The following FARP1 variants were observed in gnomAD, a reference collection of about 807,000 sequenced individuals.
The protein encoded by FARP1 is FERM, ARH/RhoGEF and pleckstrin domain protein 1.
Under a neutral mutation model 128.8 loss-of-function variants are expected in FARP1, and 52 were observed. The observed-to-expected ratio is 0.40, with a 90% CI of 0.32 to 0.51. The LOEUF is 0.51. FARP1 is among the 20% of genes least tolerant of loss of function. The pLI, the probability that FARP1 is intolerant of heterozygous loss-of-function variation, is 0.45. For synonymous variants in FARP1, 580 were observed against 551.8 expected, an observed-to-expected ratio of 1.05 and a Z score of -0.72; for missense variants, 1,333 against 1,367.9, an observed-to-expected ratio of 0.97 and a Z score of 0.40.
intron 14 of FARP1, 120 bp downstream of exon 14, chr13:98,409,645 T>C (rs1891116213): frequency 8.3e-6 from 7 of 846,782 alleles, no homozygotes; most frequent in Non-Finnish European, 1.0e-5. Flanking sequence ...CATTTTCAAG[T>C]GTACAGCTTG....
chr13:98,195,887 G>C (rs145909027), intron 1 of FARP1, among the ~76,000 whole-genome samples: 2 of 152,154 alleles, frequency 1.3e-5, no homozygotes, highest in Non-Finnish European at 2.9e-5. Flanking sequence ...TTCGCTGGGC[G>C]TGGTGGTACA....
chr13:98,202,071 C>T (rs1324489003), intron 1 of FARP1, among the ~76,000 whole-genome samples: 1 of 152,228 alleles, frequency 6.6e-6, no homozygotes, highest in African/African-American at 2.4e-5. Flanking sequence ...AACCCCTTAC[C>T]TAACCCCTTG....
intron 5 of FARP1, 146 bp from the exon 6 acceptor site, chr13:98,377,675 G>A (rs1386357305): frequency 3.2e-6 from 2 of 620,436 alleles, no homozygotes; most frequent in Non-Finnish European, 5.8e-6. Context: ...TTACACTGCA[G>A]TGAATGGCAG....
Position 98,452,139 on chromosome 13 carries a change from A to G in FARP1, c.*3822A>G, listed in dbSNP as rs1893226135. On this transcript the variant is annotated 3_prime_UTR_variant, in exon 27 of 27. Coordinates refer to ENST00000319562, the MANE Select transcript of FARP1 (RefSeq NM_005766.4). ...GGTGCCCTGTCCTCTGAAGAGTCAC[A>G]TTTCAAGGAGTATGCAAAATAAGCG... 1 of 152,204 alleles carries G rather than the reference A, an allele frequency of 6.6e-6. No homozygotes were observed. The highest frequency in any genetic ancestry group is 1.5e-5 in the Non-Finnish European group (1 of 68,052). The allele number at this position is 152,204 out of a possible 1,614,324, so 9.4% of individuals were successfully genotyped here.
intron 1 of FARP1, among the ~76,000 whole-genome samples, chr13:98,208,368 C>T (rs1180301881): frequency 6.7e-6 from 1 of 149,902 alleles, no homozygotes; most frequent in Non-Finnish European, 1.5e-5. Flanking sequence ...ATCCCAGCTA[C>T]TGGGGAGGTT....
intron 2 of FARP1, among the ~76,000 whole-genome samples, chr13:98,321,644 C>T (rs190748035): frequency 6.6e-6 from 1 of 152,302 alleles, no homozygotes; most frequent in African/African-American, 2.4e-5. Flanking sequence ...TGACAAATTA[C>T]CTGTGCGTGC....
At chr13:98,280,394 A>G (rs986566128) in intron 2 of FARP1, among the ~76,000 whole-genome samples, 1 of 152,074 alleles carries the variant, frequency 6.6e-6, no homozygotes, top group Non-Finnish European at 1.5e-5. Context: ...CTTCCTGAGC[A>G]GTTCTGCCAG....
chr13:98,418,106 G>A (rs1364147003), intron 16 of FARP1, among the ~76,000 whole-genome samples: 1 of 152,160 alleles, frequency 6.6e-6, no homozygotes, highest in South Asian at 2.1e-4. Flanking sequence ...CTGGAATGCA[G>A]TGGTATGATC....
Position 98,224,520 on chromosome 13 carries a change from C to CT in FARP1, c.171+11108dup, listed in dbSNP as rs556081191. Among the ~76,000 whole-genome samples the CT allele has an allele frequency of 4.4e-4, 44 of 101,124 alleles. No individual in the cohort carries two copies. In the South Asian group the frequency reaches 0.016, roughly 36 times the overall value. The allele number at this position is 101,124 out of a possible 152,430, so 66.3% of individuals were successfully genotyped here. A position where few individuals can be genotyped will look rare whatever the true frequency, so the allele number is the denominator to read the frequency against. On this transcript the variant is annotated intron_variant, in intron 2 of 26. Coordinates refer to ENST00000319562, the MANE Select transcript of FARP1 (RefSeq NM_005766.4). ...CCAGCCTGGGCGACAGAGTGAGACT[C>CT]TGTCTCAAAAAAAAAAAAAAAAAAA...
At chr13:98,381,906 G>A (rs1466932180) in intron 6 of FARP1, among the ~76,000 whole-genome samples, 26 of 152,130 alleles carry the variant, frequency 1.7e-4, no homozygotes, top group East Asian at 5.8e-4. Flanking sequence ...TAATCCCAGC[G>A]CTTTGGGAGA....
chr13:98,254,156 A>G lies in FARP1; in HGVS notation c.171+40743A>G, dbSNP rs149516131. On this transcript the variant is annotated intron_variant, in intron 2 of 26. Transcript: ENST00000319562. The stretch of plus-strand genomic sequence containing the variant: ...GTCGGTAGTGTGTGGGTGTCCCTGA[A>G]AAGTACTAAGTGTTCTCCTCACTTG... 3.5e-4 allele frequency among the ~76,000 whole-genome samples: 53 copies of G among 152,326 alleles called. No homozygotes were observed. In the East Asian group the frequency reaches 9.4e-3, roughly 27 times the overall value.
In FARP1 at chr13:98,176,397, C is replaced by T. The variant is rs765635600; in HGVS notation, c.-24+32905C>T. 3.1e-6 allele frequency: 5 copies of T among 1,614,226 alleles called. No homozygotes were observed. The Admixed American group carries it at 6.7e-5, about 22-fold the overall frequency. ...GCGGGGTGGCCCGGAAGTGCTCCAG[C>T]GCGCAGCTCTCGCAGAAATAATGCC... On this transcript the variant is annotated intron_variant, in intron 1 of 26. Transcript: ENST00000319562. This position sits in a 1 kb window ranked among gnomAD's most constrained non-coding sequence, Gnocchi z 6.2.
chr13:98,428,576 T>C (rs1891877105), intron 17 of FARP1, among the ~76,000 whole-genome samples: 1 of 152,162 alleles, frequency 6.6e-6, no homozygotes, highest in Non-Finnish European at 1.5e-5. Flanking sequence ...TTCTCTATGG[T>C]TTGGAGAATG....
At chr13:98,143,908 C>A (rs923749354) in intron 1 of FARP1, among the ~76,000 whole-genome samples, 1 of 151,804 alleles carries the variant, frequency 6.6e-6, no homozygotes, top group African/African-American at 2.4e-5. Context: ...AGGCCGGTTG[C>A]GGGCCGGGGA....
At chr13:98,256,951 A>ATATATATATATATATATATATATATATG (rs1883633498) in intron 2 of FARP1, among the ~76,000 whole-genome samples, 1 of 31,710 alleles carries the variant, frequency 3.2e-5, no homozygotes, top group Non-Finnish European at 4.9e-5. Flanking sequence ...ATATGTGGAT[A>ATATATATATATATATATATATATATATG]TATATATATA....
intron 10 of FARP1, 113 bp downstream of exon 10, chr13:98,390,233 G>C: frequency 8.6e-7 from 1 of 1,168,742 alleles, no homozygotes. Flanking sequence ...TGGCCTCCAG[G>C]AGCTATGGCC....
At chr13:98,371,996 C>T (rs1291090605) in intron 5 of FARP1, among the ~76,000 whole-genome samples, 1 of 151,704 alleles carries the variant, frequency 6.6e-6, no homozygotes, top group Non-Finnish European at 1.5e-5. Context: ...AGCACCCAGA[C>T]ACCTAGAAGG....
At chr13:98,448,121 C>T (rs1176069829) in intron 26 of FARP1, 115 bp from the exon 27 acceptor site, 2 of 840,496 alleles carry the variant, frequency 2.4e-6, no homozygotes, top group African/African-American at 1.7e-5. Flanking sequence ...GCTGAAGTGG[C>T]AGATTACCAA....
At chr13:98,374,998 T>G (rs1889520407) in intron 5 of FARP1, among the ~76,000 whole-genome samples, 1 of 152,208 alleles carries the variant, frequency 6.6e-6, no homozygotes. Context: ...GGATCTGCCT[T>G]GACAACCCAA....
Sources: allele counts gnomAD v4.1 joint callset (sites outside exome capture counted in the v4.1 genomes callset), GRCh38; gene constraint gnomAD v4.1.1; non-coding constraint Gnocchi (gnomAD v3.1); transcripts MANE v1.5; gene names NCBI Gene and HGNC (gene_info 2026-07-23, HGNC 2026-07-21).